Variants in HEXB observed in about 807,000 individuals in gnomAD.
The protein encoded by HEXB is hexosaminidase subunit beta.
HEXB carries 51 observed loss-of-function variants against 71.2 expected under a neutral mutation model. The observed-to-expected ratio is 0.72, with a 90% CI of 0.57 to 0.90. The LOEUF (loss-of-function observed/expected upper bound fraction) is 0.90, where lower values mean the gene tolerates loss of function less well. HEXB is among the 40% of genes least tolerant of loss of function. The pLI is 0.00. For synonymous variants in HEXB, 266 were observed against 249.3 expected, an observed-to-expected ratio of 1.07 and a Z score of -0.63; for missense variants, 617 against 677.0, an observed-to-expected ratio of 0.91 and a Z score of 0.98.
chr5:74,646,757 T>G (rs1307694905), intron 1 of HEXB, among the ~76,000 whole-genome samples: 6 of 151,562 alleles, frequency 4.0e-5, no homozygotes, highest in Non-Finnish European at 8.8e-5. Context: ...TTAGTAGAGA[T>G]GAGGTTTCAC....
At chr5:74,689,090 T>G (rs916751555) in intron 1 of HEXB, among the ~76,000 whole-genome samples, 2 of 152,136 alleles carry the variant, frequency 1.3e-5, no homozygotes, top group East Asian at 3.9e-4. Context: ...GGGGAAGCAT[T>G]TAAAATTCCC....
intron 6 of HEXB, among the ~76,000 whole-genome samples, chr5:74,712,282 G>C (rs1749562333): frequency 1.4e-5 from 2 of 144,262 alleles, no homozygotes; most frequent in African/African-American, 2.6e-5. Flanking sequence ...GGACTGTTGT[G>C]GGGTGGGGGA....
Position 74,689,455 on chromosome 5 carries a change from A to C in HEXB, c.427A>C (p.Ile143Leu). The change falls in exon 2 of 14, where the codon ATA (isoleucine) becomes CTA (leucine). Residue 143 changes from isoleucine (I) to leucine (L), a missense_variant. By Grantham distance (5) the Ile-to-Leu change is conservative. Coordinates refer to ENST00000261416, the MANE Select transcript of HEXB (RefSeq NM_000521.4). ...LQSECDAFPN[I>L]SSDESYTLLV... is the part of the protein sequence containing the mutation. ...GTCAGAGTGTGATGCTTTCCCCAAC[A>C]TATCTTCAGATGAGTCTTGTAAGTA... 3 of 1,613,550 alleles carry C rather than the reference A, an allele frequency of 1.9e-6. No individual in the cohort carries two copies. Among genetic ancestry groups the C allele is most frequent in the Middle Eastern group, 1.6e-4 (1 of 6,062 alleles).
intron 11 of HEXB, among the ~76,000 whole-genome samples, chr5:74,719,798 C>T (rs1478279222): frequency 2.6e-5 from 4 of 151,806 alleles, no homozygotes; most frequent in African/African-American, 7.3e-5. Flanking sequence ...AAAAATTAGC[C>T]GGACGTGGTG....
chr5:74,706,071 T>C (rs935278739), intron 6 of HEXB: 1 of 152,674 alleles, frequency 6.5e-6, no homozygotes, highest in African/African-American at 2.4e-5. Context: ...AGATACAGAA[T>C]AGTTTAATGA....
Position 74,692,355 on chromosome 5 carries a change from AAG to A in HEXB, c.446-1280_446-1279del, listed in dbSNP as rs1356982816. On this transcript the variant is annotated intron_variant, in intron 2 of 13. Coordinates refer to ENST00000261416, the MANE Select transcript of HEXB (RefSeq NM_000521.4). ...TCTACAAAAAAAAAAAAAAAAAAGAAAGAGAAAAATTAGCCAGGCGTGGTGGC... is the reference window on the plus strand; with the variant it reads ...TCTACAAAAAAAAAAAAAAAAAAGAAAGAAAAATTAGCCAGGCGTGGTGGC... Among the ~76,000 whole-genome samples, 4 of 151,818 alleles carry A rather than the reference AAG, an allele frequency of 2.6e-5. No homozygotes were observed. The South Asian group carries it at 6.2e-4, about 24-fold the overall frequency.
chr5:74,660,437 A>G (rs1580363694), intron 1 of HEXB, among the ~76,000 whole-genome samples: 1 of 152,118 alleles, frequency 6.6e-6, no homozygotes, highest in African/African-American at 2.4e-5. Context: ...GGCTGATGCC[A>G]CCTCTCTCCC....
chr5:74,709,936 A>T (rs577548005), intron 6 of HEXB, among the ~76,000 whole-genome samples: 1 of 152,102 alleles, frequency 6.6e-6, no homozygotes, highest in African/African-American at 2.4e-5. Context: ...AACTCATTTT[A>T]TGAGGCCAGC....
intron 8 of HEXB, among the ~76,000 whole-genome samples, chr5:74,716,211 A>G (rs1302121997): frequency 6.6e-6 from 1 of 152,058 alleles, no homozygotes; most frequent in African/African-American, 2.4e-5. Flanking sequence ...AGCTTGAGGA[A>G]AAACAAGATG....
rs538479782 is a variant in HEXB, at chr5:74,659,392, G to T, written c.-377+18834G>T. ...CACAATCCCCAGTGCAGGGCAGGTG[G>T]AGGGCTGATCCTGGAGGAGACAAGG... On this transcript the variant is annotated intron_variant, in intron 1 of 13. Transcript: ENST00000511181. 8.5e-5 allele frequency among the ~76,000 whole-genome samples: 13 copies of T among 152,202 alleles called. No individual in the cohort carries two copies. The East Asian group carries it at 1.5e-3, about 18-fold the overall frequency.
rs141194538 is a variant in HEXB, at chr5:74,718,941, T to C, written c.1387T>C (p.Tyr463His). ...TAGCTATGGACAAGATTGGAGGAAATACTATAAAGTGGAACCTCTTGATTT... is the reference window on the plus strand; with the variant it reads ...TAGCTATGGACAAGATTGGAGGAAACACTATAAAGTGGAACCTCTTGATTT... ...LISYGQDWRK[Y>H]YKVEPLDFGG... The change falls in exon 11 of 14, where the codon TAC becomes CAC. Residue 463 changes from tyrosine to histidine, a missense_variant. Transcript: ENST00000261416. 3 of 1,614,008 alleles carry C rather than the reference T, an allele frequency of 1.9e-6. No individual in the cohort carries two copies. Among genetic ancestry groups the C allele is most frequent in the Non-Finnish European group, 2.5e-6 (3 of 1,180,022 alleles).
intron 6 of HEXB, among the ~76,000 whole-genome samples, chr5:74,707,733 T>C (rs1160954841): frequency 2.0e-5 from 3 of 151,854 alleles, no homozygotes; most frequent in Non-Finnish European, 4.4e-5. Flanking sequence ...AAGGGAAGTT[T>C]AGAGAAAAAA....
intron 5 of HEXB, among the ~76,000 whole-genome samples, chr5:74,697,727 C>CAAAAA (rs34363294): frequency 1.9e-4 from 21 of 110,390 alleles, no homozygotes; most frequent in South Asian, 9.5e-4. Flanking sequence ...GACTCTGTCT[C>CAAAAA]AAAAAAAAAA....
chr5:74,658,346 A>C lies in HEXB; in HGVS notation c.-377+17788A>C, dbSNP rs1282499317. ...GTCAATAATAACTAAAAAGCAAAGC[A>C]TTCTGCATGGTAAAGAATTTCGCCT... On this transcript the variant is annotated intron_variant, in intron 1 of 13. Transcript: ENST00000511181. 2.0e-5 allele frequency among the ~76,000 whole-genome samples: 3 copies of C among 152,248 alleles called. No individual in the cohort carries two copies. In the East Asian group the frequency reaches 5.8e-4, roughly 29 times the overall value.
chr5:74,660,881 G>A (rs975932658), intron 1 of HEXB, among the ~76,000 whole-genome samples: 4 of 152,198 alleles, frequency 2.6e-5, no homozygotes, highest in African/African-American at 9.6e-5. Context: ...CTACAGACAA[G>A]TAAGAAAGAC....
At chr5:74,717,112 TGGA>T (rs1749689777) in intron 9 of HEXB, among the ~76,000 whole-genome samples, 1 of 152,148 alleles carries the variant, frequency 6.6e-6, no homozygotes, top group Non-Finnish European at 1.5e-5. Context: ...TCCTGGGAGA[TGGA>T]GGTTACAGTG....
At chr5:74,648,505 T>C (rs950750331) in intron 1 of HEXB, among the ~76,000 whole-genome samples, 3 of 152,150 alleles carry the variant, frequency 2.0e-5, no homozygotes, top group African/African-American at 7.2e-5. Context: ...ACCATTCCTA[T>C]TTTCTGTTCT....
rs769932353 is a variant in HEXB at position 74,674,675 on chromosome 5, A to G, written c.-376-14653A>G. Among the ~76,000 whole-genome samples, 8 of 152,028 alleles carry G rather than the reference A, an allele frequency of 5.3e-5. No individual in the cohort carries two copies. In the East Asian group the frequency reaches 1.5e-3, roughly 29 times the overall value. Reference sequence around the variant, plus strand: ...AGATGCCATTTATTTATCTCTAGTCATTATACAGAATGAGAAAAATAAGAA... The same window carrying G: ...AGATGCCATTTATTTATCTCTAGTCGTTATACAGAATGAGAAAAATAAGAA... On this transcript the variant is annotated intron_variant, in intron 1 of 13. Coordinates refer to the HEXB transcript ENST00000511181.
At chr5:74,651,313 AC>A (rs1748104025) in intron 1 of HEXB, among the ~76,000 whole-genome samples, 1 of 152,164 alleles carries the variant, frequency 6.6e-6, no homozygotes, top group African/African-American at 2.4e-5. Flanking sequence ...TGTGTGTCTA[AC>A]CCTTAGCGCA....
Sources: allele counts gnomAD v4.1 joint callset (sites outside exome capture counted in the v4.1 genomes callset), GRCh38; gene constraint gnomAD v4.1.1; transcripts MANE v1.5; gene names NCBI Gene and HGNC (gene_info 2026-07-23, HGNC 2026-07-21).